KDM2A: variants seen among roughly 807,000 people sequenced by gnomAD.
KDM2A encodes lysine demethylase 2A, also known as lysine-specific demethylase 2A.
Under a neutral mutation model 137.3 loss-of-function variants are expected in KDM2A, and 3 were observed. The ratio of observed to expected loss-of-function variants is 0.02; its 90% CI spans 0.01 to 0.06. KDM2A has a LOEUF of 0.06. KDM2A is among the 10% of genes least tolerant of loss of function. The pLI is 1.00. For synonymous variants in KDM2A, 512 were observed against 541.5 expected (o/e 0.95, Z 0.76); for missense variants, 738 against 1,510.6 (o/e 0.49, Z 8.48).
chr11:67,168,319 C>T (rs552416585), intron 2 of KDM2A, among the ~76,000 whole-genome samples: 1 of 151,892 alleles, frequency 6.6e-6, no homozygotes, highest in African/African-American at 2.4e-5. Context: ...TGGAGCTTCC[C>T]CCAAACCCTC....
At chr11:67,244,519 A>T (rs1859146122) in intron 13 of KDM2A, among the ~76,000 whole-genome samples, 1 of 150,944 alleles carries the variant, frequency 6.6e-6, no homozygotes, top group South Asian at 2.1e-4. Flanking sequence ...AAGCTCAGGG[A>T]GGGGTGAATC....
At chr11:67,181,264 C>A in intron 3 of KDM2A, 56 bp from the exon 4 acceptor site, 1 of 1,159,838 alleles carries the variant, frequency 8.6e-7, no homozygotes, top group South Asian at 1.3e-5. Context: ...TTTTATGGTC[C>A]TTTTATCGTT....
Position 67,254,388 on chromosome 11 carries a change from C to T in KDM2A, c.3277C>T (p.Arg1093Cys), listed in dbSNP as rs865815879. The T allele has an allele frequency of 6.2e-7, 1 of 1,614,024 alleles. No homozygotes were observed. The highest frequency in any genetic ancestry group is 8.5e-7 in the Non-Finnish European group (1 of 1,179,884). Residue 1093 changes from arginine (R) to cysteine (C), a missense_variant, in exon 20 of 21, where the codon CGC (arginine) becomes TGC (cysteine). By Grantham distance (180) the Arg-to-Cys change is radical. Transcript: ENST00000529006. The surrounding 1 kb of genome is among the most constrained non-coding windows in gnomAD (Gnocchi z 4.7). ...NLLTAVGSST[R>C]YSLTELNMAG... ...ACTCACTGCTGTCGGGTCTTCCACT[C>T]GCTACTCTCTCACAGAGCTCAATAT...
intron 5 of KDM2A, chr11:67,195,907 G>A: frequency 5.2e-6 from 2 of 387,140 alleles, no homozygotes; most frequent in Non-Finnish European, 1.0e-5. Flanking sequence ...CTCCAATAAG[G>A]AATAATTTTT....
intron 2 of KDM2A, among the ~76,000 whole-genome samples, chr11:67,169,733 T>TC (rs1856834211): frequency 3.2e-5 from 3 of 92,682 alleles, no homozygotes; most frequent in Non-Finnish European, 6.3e-5. Flanking sequence ...CTCTCTCTCC[T>TC]TCTCTCTCTC....
At chr11:67,188,997 T>C (rs1487954878) in intron 5 of KDM2A, among the ~76,000 whole-genome samples, 1 of 152,108 alleles carries the variant, frequency 6.6e-6, no homozygotes, top group Admixed American at 6.6e-5. Flanking sequence ...CCCCTCTCAA[T>C]AATGGATAGA....
At chr11:67,132,481 C>CA (rs2136284755) in intron 2 of KDM2A, among the ~76,000 whole-genome samples, 1 of 152,146 alleles carries the variant, frequency 6.6e-6, no homozygotes, top group East Asian at 1.9e-4. Flanking sequence ...GACGGGGTCT[C>CA]AACTATTATT....
intron 5 of KDM2A, among the ~76,000 whole-genome samples, chr11:67,184,097 C>CAAAAA (rs34270166): frequency 1.5e-5 from 1 of 66,192 alleles, no homozygotes; most frequent in African/African-American, 4.5e-5. Context: ...GACCCTGTCT[C>CAAAAA]AAAAAAAAAA....
intron 5 of KDM2A, among the ~76,000 whole-genome samples, chr11:67,186,632 T>C (rs1857213285): frequency 6.6e-6 from 1 of 152,246 alleles, no homozygotes; most frequent in African/African-American, 2.4e-5. Flanking sequence ...CAATGGCTTT[T>C]AACTCCTTTT....
At chr11:67,180,020 A>C in intron 2 of KDM2A, 59 bp from the exon 3 acceptor site, 3 of 1,538,324 alleles carry the variant, frequency 2.0e-6, no homozygotes, top group Non-Finnish European at 2.6e-6. Flanking sequence ...ATCTATGACC[A>C]CTTGTAGGTA....
chr11:67,169,759 C>CTCTCTCTCTCTTT (rs756503460), intron 2 of KDM2A, among the ~76,000 whole-genome samples: 36 of 65,682 alleles, frequency 5.5e-4, no homozygotes, highest in South Asian at 1.6e-3. Context: ...CTCTCTCTCT[C>CTCTCTCTCTCTTT]TTTTTTTTTT....
At chr11:67,155,864 C>T (rs1856500581) in intron 2 of KDM2A, among the ~76,000 whole-genome samples, 1 of 147,822 alleles carries the variant, frequency 6.8e-6, no homozygotes, top group African/African-American at 2.5e-5. Context: ...GATCCGCCTG[C>T]CTCGGCCTCC....
In KDM2A at chr11:67,217,835, T is replaced by C. The variant is rs1418148250; in HGVS notation, c.792T>C (p.Asp264=). Residue 264 remains aspartate (D), a synonymous_variant, in exon 9 of 21, where the codon GAT becomes GAC. Coordinates refer to ENST00000529006, the MANE Select transcript of KDM2A (RefSeq NM_012308.3). ...TCTTTCTGGGTGACCGGGTATCAGA[T>C]TGTCAGCGCATTGAGCTCAAGCAGG... The part of the protein sequence containing the change: ...GDIFLGDRVS[D]CQRIELKQGY... 2.5e-6 allele frequency: 4 copies of C among 1,613,350 alleles called. No homozygotes were observed. Among genetic ancestry groups the C allele is most frequent in the South Asian group, 1.1e-5 (1 of 90,856 alleles).
At chr11:67,214,567 G>A (rs548295491) in intron 6 of KDM2A, among the ~76,000 whole-genome samples, 109 of 152,166 alleles carry the variant, frequency 7.2e-4, no homozygotes, top group African/African-American at 2.3e-3. Context: ...TTGAACTTCC[G>A]ACCTCAGGTG....
At chr11:67,206,474 C>T (rs1053542557) in intron 5 of KDM2A, among the ~76,000 whole-genome samples, 3 of 152,052 alleles carry the variant, frequency 2.0e-5, no homozygotes, top group Non-Finnish European at 4.4e-5. Context: ...TGGTGGCTCA[C>T]GCCTGTAATC....
chr11:67,254,726 G>A lies in KDM2A; in HGVS notation c.3308-148G>A. 3 of 729,400 alleles carry A rather than the reference G, an allele frequency of 4.1e-6. No individual in the cohort carries two copies. In the South Asian group the frequency reaches 5.4e-5, roughly 13 times the overall value. 45.2% of individuals were successfully genotyped at this position (729,400 alleles called of 1,614,324 possible). A position where few individuals can be genotyped will look rare whatever the true frequency, so the allele number is the denominator to read the frequency against. ...GCAGCAGGGTCCCTTTGGAGGTGCTGATGGCACTTCTGGTCTCTGAGCCAG... is the reference window on the plus strand; with the variant it reads ...GCAGCAGGGTCCCTTTGGAGGTGCTAATGGCACTTCTGGTCTCTGAGCCAG... On this transcript the variant is annotated intron_variant, in intron 20 of 20. Transcript: ENST00000529006. This position sits in a 1 kb window ranked among gnomAD's most constrained non-coding sequence, Gnocchi z 4.7.
intron 2 of KDM2A, among the ~76,000 whole-genome samples, chr11:67,145,085 G>A (rs1030744496): frequency 1.4e-4 from 19 of 140,092 alleles, no homozygotes; most frequent in Non-Finnish European, 2.0e-4. Flanking sequence ...TTGGCCAGGC[G>A]GGTCTTGAAC....
chr11:67,126,227 C>G (rs914224010), intron 2 of KDM2A, among the ~76,000 whole-genome samples: 1 of 119,646 alleles, frequency 8.4e-6, no homozygotes, highest in Non-Finnish European at 1.8e-5. Context: ...GCCTGGGGAA[C>G]AAGAGCAAAA....
intron 5 of KDM2A, among the ~76,000 whole-genome samples, chr11:67,198,477 C>T (rs1857536567): frequency 6.6e-6 from 1 of 152,064 alleles, no homozygotes; most frequent in African/African-American, 2.4e-5. Context: ...AATCCCAGCA[C>T]TTTGGGAGGC....
Sources: allele counts gnomAD v4.1 joint callset (sites outside exome capture counted in the v4.1 genomes callset), GRCh38; gene constraint gnomAD v4.1.1; non-coding constraint Gnocchi (gnomAD v3.1); transcripts MANE v1.5; gene names NCBI Gene and HGNC (gene_info 2026-07-23, HGNC 2026-07-21).